The following KLF8 variants were observed in gnomAD, a reference collection of about 807,000 sequenced individuals.
The protein encoded by KLF8 is Krueppel-like factor 8.
A neutral mutation model predicts 18.2 loss-of-function variants in KLF8; 10 were observed. The observed-to-expected ratio is 0.55, with a 90% confidence interval of 0.34 to 0.93. The LOEUF (loss-of-function observed/expected upper bound fraction) is 0.93. KLF8 is among the 40% of genes least tolerant of loss of function. The pLI is 0.02. For missense variants in KLF8, 264 were observed against 277.9 expected (o/e 0.95, Z 0.36); for synonymous variants, 109 against 97.3 (o/e 1.12, Z -0.71).
the KLF8 span, among the ~76,000 whole-genome samples, chrX:56,129,816 G>A: frequency 1.8e-5 from 2 of 111,376 alleles, no homozygotes; most frequent in Non-Finnish European, 3.8e-5. Flanking sequence ...AACAAACTTG[G>A]TGCTGTCAGG....
chrX:56,206,808 C>T, the KLF8 span, among the ~76,000 whole-genome samples: 8 of 112,783 alleles, frequency 7.1e-5, no homozygotes, highest in African/African-American at 2.6e-4. Flanking sequence ...CTGTGTGGGG[C>T]CCCAACCCCA....
chrX:56,135,344 A>C, the KLF8 span, among the ~76,000 whole-genome samples: 4 of 111,677 alleles, frequency 3.6e-5, no homozygotes, highest in South Asian at 1.5e-3. Flanking sequence ...AATGTGGCAC[A>C]TATACACCAT....
chrX:56,060,897 C>T, the KLF8 span, among the ~76,000 whole-genome samples: 11,233 of 111,049 alleles, frequency 0.1, 957 homozygotes, highest in African/African-American at 0.28. Flanking sequence ...TTCAGGTATT[C>T]GACTTCTTAC....
chrX:56,071,126 G>C, the KLF8 span, among the ~76,000 whole-genome samples: 9 of 111,763 alleles, frequency 8.1e-5, no homozygotes, highest in African/African-American at 2.9e-4. Context: ...TCATAGGATT[G>C]TAATAACCTC....
chrX:56,209,287 T>C, the KLF8 span, among the ~76,000 whole-genome samples: 2 of 112,074 alleles, frequency 1.8e-5, no homozygotes, highest in Non-Finnish European at 3.8e-5. Flanking sequence ...TGCTCTTTTT[T>C]TGGTTTCCAT....
At chrX:56,157,405 A>C in the KLF8 span, among the ~76,000 whole-genome samples, 8 of 111,045 alleles carry the variant, frequency 7.2e-5, no homozygotes, top group Admixed American at 7.7e-4. Flanking sequence ...TTAAAAAAAA[A>C]GATATGGGAT....
chrX:56,081,713 T>G, the KLF8 span, among the ~76,000 whole-genome samples: 1 of 112,114 alleles, frequency 8.9e-6, no homozygotes, highest in Non-Finnish European at 1.9e-5. Flanking sequence ...TCAGATGTTT[T>G]CAATGCACTA....
chrX:56,015,487 C>A, the KLF8 span, among the ~76,000 whole-genome samples: 1 of 112,321 alleles, frequency 8.9e-6, no homozygotes, highest in Non-Finnish European at 1.9e-5. Flanking sequence ...TGTTTGTTGG[C>A]AATTTTGGCT....
In KLF8 at chrX:56,269,465, A is replaced by T. The variant is rs995444916; in HGVS notation, c.734A>T (p.Gln245Leu). The T allele has an allele frequency of 8.3e-7, 1 of 1,205,848 alleles. No individual in the cohort carries two copies. Among genetic ancestry groups the T allele is most frequent in the Non-Finnish European group, 1.1e-6 (1 of 892,539 alleles). ...STIESGSSAL[Q>L]SLQGLQQEPA... is the part of the protein sequence containing the mutation. ...ATTGAGAGTGGATCCTCAGCCTTGC[A>T]GAGTCTGCAGGGACTACAGCAAGAG... is the stretch of plus-strand genomic sequence containing the variant. The change falls in exon 4 of 6, where the codon CAG becomes CTG. Residue 245 changes from glutamine (Q) to leucine (L), a missense_variant. Around this residue, in one of 2 missense-constraint regions of KLF8, gnomAD observed 221 missense variants for 193.6 expected, o/e 1.14. Coordinates refer to ENST00000468660, the MANE Select transcript of KLF8 (RefSeq NM_007250.5).
At chrX:56,166,584 C>T in the KLF8 span, among the ~76,000 whole-genome samples, 2 of 112,275 alleles carry the variant, frequency 1.8e-5, no homozygotes, top group East Asian at 5.6e-4. Flanking sequence ...ATAAATCCTG[C>T]TTTTAATGGA....
At chrX:56,159,377 T>G in the KLF8 span, among the ~76,000 whole-genome samples, 4 of 94,899 alleles carry the variant, frequency 4.2e-5, no homozygotes, top group Non-Finnish European at 8.6e-5. Context: ...GCCAGGCTTT[T>G]GTATCAGGAT....
the KLF8 span, among the ~76,000 whole-genome samples, chrX:56,122,795 C>T: frequency 2.7e-5 from 3 of 110,464 alleles, no homozygotes; most frequent in East Asian, 5.6e-4. Flanking sequence ...CACTATATTG[C>T]CTAGGCTGGT....
the KLF8 span, among the ~76,000 whole-genome samples, chrX:56,155,710 T>A: frequency 8.9e-6 from 1 of 111,802 alleles, no homozygotes; most frequent in African/African-American, 3.2e-5. Flanking sequence ...ATAGATTTGT[T>A]ACATTAGAAT....
chrX:56,151,867 GC>G, the KLF8 span, among the ~76,000 whole-genome samples: 1 of 111,779 alleles, frequency 8.9e-6, no homozygotes, highest in South Asian at 3.7e-4. Context: ...CTAAAACTGA[GC>G]CATAACACAC....
the KLF8 span, among the ~76,000 whole-genome samples, chrX:56,163,817 G>A: frequency 8.9e-6 from 1 of 111,929 alleles, no homozygotes; most frequent in African/African-American, 3.2e-5. Flanking sequence ...TTCTGAATAT[G>A]GATACCCAGT....
At chrX:56,146,622 C>A in the KLF8 span, among the ~76,000 whole-genome samples, 1 of 109,167 alleles carries the variant, frequency 9.2e-6, no homozygotes, top group African/African-American at 3.3e-5. Context: ...AGATGACGGG[C>A]TGTTGGGTGC....
chrX:55,940,167 A>G, the KLF8 span, among the ~76,000 whole-genome samples: 1 of 112,151 alleles, frequency 8.9e-6, no homozygotes, highest in South Asian at 3.7e-4. Flanking sequence ...CTCATCAAAA[A>G]GCTAATCCAC....
chrX:56,061,121 G>A, the KLF8 span, among the ~76,000 whole-genome samples: 1 of 111,409 alleles, frequency 9.0e-6, no homozygotes, highest in African/African-American at 3.3e-5. Flanking sequence ...ACCAGCTCCT[G>A]GATTCATTGA....
the KLF8 span, among the ~76,000 whole-genome samples, chrX:56,042,107 C>T: frequency 8.9e-6 from 1 of 112,031 alleles, no homozygotes; most frequent in Non-Finnish European, 1.9e-5. Flanking sequence ...ACAGAACTTA[C>T]TGATTTCTGG....
Sources: allele counts gnomAD v4.1 joint callset (sites outside exome capture counted in the v4.1 genomes callset), GRCh38; gene constraint gnomAD v4.1.1; regional missense constraint gnomAD v4.1.1; transcripts MANE v1.5; gene names NCBI Gene and HGNC (gene_info 2026-07-23, HGNC 2026-07-21).